The following ZNF92 variants were observed in gnomAD, a reference collection of about 807,000 sequenced individuals.
ZNF92 encodes epididymis luminal protein 203.
A neutral mutation model predicts 12.4 loss-of-function variants in ZNF92; 11 were observed. The observed-to-expected ratio is 0.89, with a 90% CI of 0.56 to 1.47. ZNF92 has a LOEUF of 1.47. Among genes scored for constraint, ZNF92 ranks in the 40% most tolerant of loss-of-function variants. The probability of loss-of-function intolerance (pLI) is 0.00; values close to 1 mark genes in which losing one functional copy is unlikely to be tolerated. For synonymous variants in ZNF92, 206 were observed against 228.6 expected, an observed-to-expected ratio of 0.90 and a Z score of 0.89; for missense variants, 622 against 681.0, an observed-to-expected ratio of 0.91 and a Z score of 0.96.
intron 1 of ZNF92, among the ~76,000 whole-genome samples, chr7:65,374,341 G>C (rs1455051478): frequency 6.6e-6 from 1 of 152,124 alleles, no homozygotes; most frequent in East Asian, 1.9e-4. Flanking sequence ...GGGGTGCGGG[G>C]TTTATGAATG....
intron 1 of ZNF92, among the ~76,000 whole-genome samples, chr7:65,376,074 G>A (rs1020803660): frequency 1.3e-5 from 2 of 151,506 alleles, no homozygotes; most frequent in African/African-American, 2.4e-5. Context: ...AACCACACCC[G>A]ACTAGTGTTT....
At chr7:65,394,952 G>A (rs1793809699) in intron 3 of ZNF92, among the ~76,000 whole-genome samples, 1 of 152,104 alleles carries the variant, frequency 6.6e-6, no homozygotes, top group Admixed American at 6.5e-5. Context: ...GGCCCAAAAT[G>A]AAGTTTTTTG....
chr7:65,388,346 C>A (rs1793627293), intron 2 of ZNF92: 1 of 167,914 alleles, frequency 6.0e-6, no homozygotes, highest in Admixed American at 7.2e-5. Context: ...AATTAAAGAT[C>A]TACAAATGTA....
Position 65,387,995 on chromosome 7 carries a change from A to T in ZNF92, c.97A>T (p.Met33Leu). 4 of 1,608,860 alleles carry T rather than the reference A, an allele frequency of 2.5e-6. No individual in the cohort carries two copies. Among genetic ancestry groups the T allele is most frequent in the Non-Finnish European group, 3.4e-6 (4 of 1,177,514 alleles). ...TAQRNLYRDV[M>L]LENYRNLVFL... is the part of the protein sequence containing the mutation. ...GCAGCGGAATTTATATAGAGATGTG[A>T]TGTTAGAGAACTACAGAAACCTGGT... The change falls in exon 2 of 4, where the codon ATG becomes TTG. Residue 33 changes from methionine (M) to leucine (L), a missense_variant. Coordinates refer to ENST00000328747, the MANE Select transcript of ZNF92 (RefSeq NM_152626.4).
chr7:65,378,607 TG>T (rs1793316651), intron 1 of ZNF92, among the ~76,000 whole-genome samples: 1 of 151,822 alleles, frequency 6.6e-6, no homozygotes, highest in African/African-American at 2.4e-5. Context: ...CTGGGCGTGG[TG>T]GCGGGCGCCT....
In ZNF92 at chr7:65,398,915, C is replaced by G. The variant is rs758712895; in HGVS notation, c.801C>G (p.Asn267Lys). The G allele has an allele frequency of 9.3e-6, 15 of 1,611,956 alleles. No individual in the cohort carries two copies. Among genetic ancestry groups the G allele is most frequent in the Non-Finnish European group, 1.2e-5 (14 of 1,179,368 alleles). ...YKCEECGKAFNRSSTLTKHKR... is the reference protein window; with the variant it reads ...YKCEECGKAFKRSSTLTKHKR... ...GTGAAGAATGTGGCAAAGCTTTTAA[C>G]CGGTCCTCAACCCTTACTAAACATA... The change falls in exon 4 of 4, where the codon AAC becomes AAG. Residue 267 changes from asparagine to lysine, a missense_variant. Physicochemically the swap from Asn to Lys is moderately conservative, Grantham distance 94. Coordinates refer to ENST00000328747, the MANE Select transcript of ZNF92 (RefSeq NM_152626.4).
At chr7:65,381,444 T>C (rs1471442862) in intron 1 of ZNF92, among the ~76,000 whole-genome samples, 1 of 152,034 alleles carries the variant, frequency 6.6e-6, no homozygotes, top group East Asian at 1.9e-4. Flanking sequence ...AGTTTGCAAA[T>C]ATTTTTCTTT....
intron 1 of ZNF92, among the ~76,000 whole-genome samples, chr7:65,387,011 C>T (rs1793586226): frequency 6.7e-6 from 1 of 149,102 alleles, no homozygotes; most frequent in Admixed American, 6.8e-5. Context: ...GCAATCTCGG[C>T]TCACTGCAAC....
Position 65,401,090 on chromosome 7 carries a change from G to A in ZNF92, c.*1215G>A, listed in dbSNP as rs1794004045. On this transcript the variant is annotated 3_prime_UTR_variant, in exon 4 of 4. Transcript: ENST00000328747. Reference sequence around the variant, plus strand: ...TGCAGTACTTTAAAACATTTAGATTGTGTGTGAACTTAATTTTGTAATTAA... The same window carrying A: ...TGCAGTACTTTAAAACATTTAGATTATGTGTGAACTTAATTTTGTAATTAA... The A allele has an allele frequency of 6.6e-6, 1 of 151,422 alleles. No homozygotes were observed. The highest frequency in any genetic ancestry group is 1.5e-5 in the Non-Finnish European group (1 of 67,918). 9.4% of individuals were successfully genotyped at this position (151,422 alleles called of 1,614,324 possible). A position where few individuals can be genotyped will look rare whatever the true frequency, so the allele number is the denominator to read the frequency against.
rs1435724595 is a variant in ZNF92, at chr7:65,398,640, A to C, written c.526A>C (p.Lys176Gln). The C allele has an allele frequency of 6.2e-7, 1 of 1,611,994 alleles. No homozygotes were observed. The highest frequency in any genetic ancestry group is 1.3e-5 in the African/African-American group (1 of 74,776). The change falls in exon 4 of 4, where the codon AAA becomes CAA. Residue 176 changes from lysine to glutamine, a missense_variant. Lys to Gln is a moderately conservative substitution (Grantham distance 53, BLOSUM62 1). Transcript: ENST00000328747. Reference sequence around the variant, plus strand: ...TACTGGAAAGAAACCTTTCAAATGTAAAAACCGTGGCAAATCATTTTGCAT... The same window carrying C: ...TACTGGAAAGAAACCTTTCAAATGTCAAAACCGTGGCAAATCATTTTGCAT... ...RHTGKKPFKC[K>Q]NRGKSFCMLS...
At position 65,399,930 on chromosome 7, in the gene ZNF92, T is replaced by C. The variant is rs1793967131; in HGVS notation, c.*55T>C. On this transcript the variant is annotated 3_prime_UTR_variant, in exon 4 of 4. Transcript: ENST00000328747. ...CAAACTTTTCTAAACATAAACCATA[T>C]TGGTGCCCTAGAAATGTGAGGAATA... 2.1e-6 allele frequency: 3 copies of C among 1,423,706 alleles called. No homozygotes were observed. The highest frequency in any genetic ancestry group is 2.8e-6 in the Non-Finnish European group (3 of 1,056,626). The allele number at this position is 1,423,706 out of a possible 1,614,324, so 88.2% of individuals were successfully genotyped here.
At chr7:65,378,986 C>A (rs887397907) in intron 1 of ZNF92, among the ~76,000 whole-genome samples, 10 of 152,012 alleles carry the variant, frequency 6.6e-5, no homozygotes, top group Non-Finnish European at 1.5e-4. Flanking sequence ...TTTTTCCCTG[C>A]TTCTTTTTTT....
intron 1 of ZNF92, among the ~76,000 whole-genome samples, chr7:65,387,515 A>C (rs1009960212): frequency 6.7e-6 from 1 of 149,996 alleles, no homozygotes; most frequent in African/African-American, 2.5e-5. Context: ...GTTCTGAAAA[A>C]ATATATGCAT....
At chr7:65,394,734 A>G (rs1469439103) in intron 3 of ZNF92, among the ~76,000 whole-genome samples, 5 of 151,894 alleles carry the variant, frequency 3.3e-5, no homozygotes, top group Admixed American at 2.6e-4. Flanking sequence ...GCTCACTGCA[A>G]CCTCTGCCTC....
Position 65,399,167 on chromosome 7 carries a change from C to T in ZNF92, c.1053C>T (p.Asn351=), listed in dbSNP as rs772987306. 6.2e-7 allele frequency: 1 copy of T among 1,611,996 alleles called. No homozygotes were observed. The highest frequency in any genetic ancestry group is 8.5e-7 in the Non-Finnish European group (1 of 1,179,412). The change falls in exon 4 of 4, where the codon AAC becomes AAT. Residue 351 remains asparagine (N), a synonymous_variant. Coordinates refer to ENST00000328747, the MANE Select transcript of ZNF92 (RefSeq NM_152626.4). ...GTGAAGAATGTGGCAAAGCCTTTAA[C>T]CAGTTCTCAAACCTTACTAAACATA... ...YKCEECGKAF[N]QFSNLTKHKI...
intron 3 of ZNF92, among the ~76,000 whole-genome samples, chr7:65,397,564 T>C (rs922410433): frequency 7.2e-5 from 11 of 152,248 alleles, no homozygotes; most frequent in African/African-American, 2.2e-4. Context: ...ATATTTTGTA[T>C]ACATTGTAAT....
rs776491079 is a variant in ZNF92, at chr7:65,373,885, A to C, written c.-113A>C. ...TCGCTGCAGCCGGCGCTCCACGTCT[A>C]GTCTTCACTGCTCTGCGTCCTGTGC... On this transcript the variant is annotated 5_prime_UTR_variant, in exon 1 of 4. Transcript: ENST00000328747. The C allele has an allele frequency of 1.4e-6, 2 of 1,455,514 alleles. No individual in the cohort carries two copies. Among genetic ancestry groups the C allele is most frequent in the Non-Finnish European group, 1.9e-6 (2 of 1,036,714 alleles). 90.2% of individuals were successfully genotyped at this position (1,455,514 alleles called of 1,614,324 possible).
intron 1 of ZNF92, among the ~76,000 whole-genome samples, chr7:65,382,157 T>C (rs2116350311): frequency 6.6e-6 from 1 of 152,214 alleles, no homozygotes; most frequent in East Asian, 1.9e-4. Context: ...GGATGAACTA[T>C]GTATAACATG....
rs1793957291 is a variant in ZNF92 at position 65,399,630 on chromosome 7, G to A, written c.1516G>A (p.Gly506Arg). ...FTKHKIIHTE[G>R]KSYKCEKCGN... ...TAAACATAAGATAATTCACACTGAA[G>A]GGAAATCCTACAAATGTGAAAAATG... Residue 506 changes from glycine to arginine, a missense_variant, in exon 4 of 4, where the codon GGG becomes AGG. By Grantham distance (125) the Gly-to-Arg change is moderately radical. Coordinates refer to ENST00000328747, the MANE Select transcript of ZNF92 (RefSeq NM_152626.4). 1.9e-6 allele frequency: 3 copies of A among 1,613,694 alleles called. No homozygotes were observed. The highest frequency in any genetic ancestry group is 1.7e-6 in the Non-Finnish European group (2 of 1,179,782).
Sources: gnomAD v4.1 joint callset for allele counts (sites outside exome capture counted in the v4.1 genomes callset) on GRCh38, gnomAD v4.1.1 for gene constraint, MANE v1.5 for transcripts, NCBI Gene and HGNC (gene_info 2026-07-23, HGNC 2026-07-21) for gene names.